The following NTM variants were observed in gnomAD, a reference collection of about 807,000 sequenced individuals.
The protein encoded by NTM is neurotrimin.
A neutral mutation model predicts 42.1 loss-of-function variants in NTM; 13 were observed. That is an observed-to-expected ratio of 0.31 (90% CI 0.20 to 0.49). The LOEUF (loss-of-function observed/expected upper bound fraction) is 0.49. NTM is among the 20% of genes least tolerant of loss of function. The probability of loss-of-function intolerance (pLI) is 0.99; values close to 1 mark genes in which losing one functional copy is unlikely to be tolerated. For missense variants in NTM, 373 were observed against 452.8 expected (o/e 0.82, Z 1.60); for synonymous variants, 187 against 179.2 (o/e 1.04, Z -0.35).
At chr11:131,886,106 C>T (rs1195883929) in intron 1 of NTM, among the ~76,000 whole-genome samples, 1 of 152,188 alleles carries the variant, frequency 6.6e-6, no homozygotes, top group Non-Finnish European at 1.5e-5. Context: ...TTGCCGTTCT[C>T]TGAGGGCAAG....
At chr11:132,093,172 G>A (rs1247419326) in intron 2 of NTM, among the ~76,000 whole-genome samples, 1 of 151,938 alleles carries the variant, frequency 6.6e-6, no homozygotes, top group South Asian at 2.1e-4. Flanking sequence ...TTCTACCCTC[G>A]AATCTTCACC....
At chr11:132,187,632 G>C (rs889749259) in intron 3 of NTM, among the ~76,000 whole-genome samples, 20 of 152,180 alleles carry the variant, frequency 1.3e-4, no homozygotes, top group Non-Finnish European at 2.9e-5. Flanking sequence ...GGGGCAGTGA[G>C]ATGGAGCTGA....
At chr11:131,971,678 T>A (rs2063547337) in intron 2 of NTM, among the ~76,000 whole-genome samples, 1 of 151,894 alleles carries the variant, frequency 6.6e-6, no homozygotes, top group Non-Finnish European at 1.5e-5. Context: ...TCTATCTATA[T>A]GTAAAACTGA....
chr11:132,130,664 C>T (rs1354405805), intron 2 of NTM, among the ~76,000 whole-genome samples: 1 of 152,182 alleles, frequency 6.6e-6, no homozygotes, highest in Non-Finnish European at 1.5e-5. Context: ...TGGACCTTTC[C>T]TCTCTCCATT....
In NTM at chr11:132,254,746, T is replaced by G. The variant is rs114961178; in HGVS notation, c.526+42599T>G. ...GGTTAAAGGAAATCAGTGTCTCCTCTTCTGGATGGGTTTGGATGGTTTCCA... is the reference window on the plus strand; with the variant it reads ...GGTTAAAGGAAATCAGTGTCTCCTCGTCTGGATGGGTTTGGATGGTTTCCA... On this transcript the variant is annotated intron_variant, in intron 4 of 8. Transcript: ENST00000683400. Among the ~76,000 whole-genome samples the G allele has an allele frequency of 4.9e-3, 745 of 152,290 alleles. 9 individuals carry two copies. The highest frequency in any genetic ancestry group is 0.017 in the African/African-American group (721 of 41,574).
intron 1 of NTM, among the ~76,000 whole-genome samples, chr11:131,438,919 T>C (rs750351604): frequency 2.0e-5 from 3 of 152,200 alleles, no homozygotes; most frequent in Non-Finnish European, 4.4e-5. Context: ...ATCTTTGTGG[T>C]CTTTATCTAC....
intron 1 of NTM, chr11:131,660,266 T>C (rs1388926781): frequency 5.8e-6 from 2 of 346,960 alleles, no homozygotes; most frequent in South Asian, 2.2e-5. Context: ...GGCCTCAGGG[T>C]GCTGCAATAA....
chr11:131,520,498 G>C (rs1418522603), intron 1 of NTM, among the ~76,000 whole-genome samples: 1 of 152,152 alleles, frequency 6.6e-6, no homozygotes, highest in Non-Finnish European at 1.5e-5. Context: ...TTTGATGTCT[G>C]TCCAGCATAC....
chr11:132,232,441 A>G (rs570195949), intron 4 of NTM, among the ~76,000 whole-genome samples: 2 of 152,166 alleles, frequency 1.3e-5, no homozygotes, highest in Non-Finnish European at 2.9e-5. Context: ...TGGCTTGTCT[A>G]TGGTCTACAC....
intron 1 of NTM, among the ~76,000 whole-genome samples, chr11:131,374,728 A>G (rs1036459652): frequency 6.6e-6 from 1 of 152,142 alleles, no homozygotes; most frequent in African/African-American, 2.4e-5. Flanking sequence ...CCTGGTGTTG[A>G]TTTTAGCCAA....
chr11:132,030,136 T>A (rs2075729029), intron 2 of NTM, among the ~76,000 whole-genome samples: 1 of 151,826 alleles, frequency 6.6e-6, no homozygotes, highest in Non-Finnish European at 1.5e-5. Context: ...TAATGTGGAG[T>A]AGGTAACTGA....
intron 3 of NTM, among the ~76,000 whole-genome samples, chr11:132,159,710 T>C (rs1203173660): frequency 2.0e-5 from 3 of 152,080 alleles, no homozygotes; most frequent in Non-Finnish European, 4.4e-5. Flanking sequence ...CTGGAGGAAC[T>C]TCCCAGAAAA....
intron 1 of NTM, among the ~76,000 whole-genome samples, chr11:131,841,672 G>A (rs920963709): frequency 1.3e-5 from 2 of 152,168 alleles, no homozygotes; most frequent in Non-Finnish European, 2.9e-5. Flanking sequence ...AGATAGGGAG[G>A]CACAAGCTAC....
intron 2 of NTM, among the ~76,000 whole-genome samples, chr11:132,076,074 C>T (rs188512616): frequency 3.9e-5 from 6 of 152,266 alleles, no homozygotes; most frequent in Admixed American, 6.5e-5. Flanking sequence ...ATTAATCTGA[C>T]TTAATGAGTA....
chr11:131,745,524 C>T (rs2081710250), intron 1 of NTM, among the ~76,000 whole-genome samples: 1 of 152,176 alleles, frequency 6.6e-6, no homozygotes. Flanking sequence ...ATCATTCCGC[C>T]CTCATCTTCC....
chr11:132,102,764 A>G (rs2061781056), intron 2 of NTM, among the ~76,000 whole-genome samples: 1 of 152,064 alleles, frequency 6.6e-6, no homozygotes. Flanking sequence ...GAGGGGAGAG[A>G]TGCCATGCAT....
At chr11:131,375,446 T>C (rs376210952) in intron 1 of NTM, among the ~76,000 whole-genome samples, 2 of 152,226 alleles carry the variant, frequency 1.3e-5, no homozygotes, top group South Asian at 2.1e-4. Context: ...GTCGATGGCA[T>C]ACAGTTTGGA....
At chr11:131,446,604 A>G (rs1162898583) in intron 1 of NTM, among the ~76,000 whole-genome samples, 4 of 152,216 alleles carry the variant, frequency 2.6e-5, no homozygotes, top group Non-Finnish European at 5.9e-5. Context: ...TTTGAAATCC[A>G]GAGCTTCCTG....
At chr11:132,049,279 G>A (rs1335337086) in intron 2 of NTM, among the ~76,000 whole-genome samples, 5 of 152,138 alleles carry the variant, frequency 3.3e-5, no homozygotes, top group East Asian at 1.9e-4. Flanking sequence ...ACCCCCAGGC[G>A]GCCCAGGCAT....
Sources: gnomAD v4.1 joint callset for allele counts (sites outside exome capture counted in the v4.1 genomes callset) on GRCh38, gnomAD v4.1.1 for gene constraint, MANE v1.5 for transcripts, NCBI Gene and HGNC (gene_info 2026-07-23, HGNC 2026-07-21) for gene names.